The following MMACHC variants were observed in gnomAD, a reference collection of about 807,000 sequenced individuals.
MMACHC encodes metabolism of cobalamin associated C.
In MMACHC, 14 loss-of-function variants were observed where a neutral mutation model predicts 17.6. The observed-to-expected ratio is 0.80, with a 90% CI of 0.53 to 1.25. The LOEUF (loss-of-function observed/expected upper bound fraction) is 1.25. Ranked by LOEUF, MMACHC falls within the 50% of genes most tolerant of loss-of-function variation. MMACHC has a pLI of 0.00. For missense variants in MMACHC, 392 were observed against 364.5 expected (o/e 1.08, Z -0.62); for synonymous variants, 151 against 142.1 (o/e 1.06, Z -0.45).
rs750572915 is a variant in MMACHC at position 45,508,939 on chromosome 1, C to T, written c.573C>T (p.Ala191=). The T allele has an allele frequency of 1.9e-6, 3 of 1,614,194 alleles. No individual in the cohort carries two copies. Among genetic ancestry groups the T allele is most frequent in the Admixed American group, 1.7e-5 (1 of 60,022 alleles). Residue 191 remains alanine, a synonymous_variant, in exon 4 of 4, where the codon GCC becomes GCT. Transcript: ENST00000401061. ...DCVPTRADRI[A]LLEGFNFHWR... ...TACCTACAAGAGCTGACCGTATCGC[C>T]CTACTCGAAGGCTTCAATTTCCACT...
At chr1:45,508,390 C>T in intron 3 of MMACHC, 26 bp downstream of exon 3, 6 of 1,613,346 alleles carry the variant, frequency 3.7e-6, no homozygotes, top group Non-Finnish European at 5.1e-6. Flanking sequence ...TAAATAGAGG[C>T]TGAGATAGAC....
Position 45,507,545 on chromosome 1 carries a change from A to AC in MMACHC, c.271_272insC (p.Arg91ThrfsTer14), listed in dbSNP as rs1553162787. ...TGTGGCCTACCATCTGGGCCGTGTT[A>AC]GAGAGGTGAGGAAGGCTCAGTTTTC... On this transcript the variant is annotated frameshift_variant, in exon 2 of 4. Transcript: ENST00000401061. LOFTEE classifies it high-confidence loss of function. The AC allele has an allele frequency of 1.2e-6, 2 of 1,613,894 alleles. No homozygotes were observed. The highest frequency in any genetic ancestry group is 3.3e-5 in the Admixed American group (2 of 59,954).
At position 45,508,285 on chromosome 1, in the gene MMACHC, C is replaced by G; in HGVS notation, c.350C>G (p.Ala117Gly). The change falls in exon 3 of 4, where the codon GCC becomes GGC. Residue 117 changes from alanine (A) to glycine (G), a missense_variant. Coordinates refer to ENST00000401061, the MANE Select transcript of MMACHC (RefSeq NM_015506.3). ...VHPNRRPKIL[A>G]QTAAHVAGAA... ...CCCAACCGACGCCCCAAGATCCTGGCCCAGACAGCAGCCCATGTAGCTGGG... is the reference window on the plus strand; with the variant it reads ...CCCAACCGACGCCCCAAGATCCTGGGCCAGACAGCAGCCCATGTAGCTGGG... 1 of 1,614,124 alleles carries G rather than the reference C, an allele frequency of 6.2e-7. No homozygotes were observed. Among genetic ancestry groups the G allele is most frequent in the South Asian group, 1.1e-5 (1 of 91,080 alleles).
At chr1:45,500,505 G>A (rs1339154088) in intron 1 of MMACHC, 92 bp downstream of exon 1, 2 of 1,218,094 alleles carry the variant, frequency 1.6e-6, no homozygotes, top group Non-Finnish European at 2.4e-6. Flanking sequence ...GATCCTCCTG[G>A]GTTCCTGCAG....
chr1:45,500,490 C>T, intron 1 of MMACHC, 77 bp downstream of exon 1: 1 of 1,378,202 alleles, frequency 7.3e-7, no homozygotes, highest in South Asian at 1.2e-5. Context: ...GCCTCGGGAG[C>T]CTCTGATCCT....
At chr1:45,502,171 T>TA (rs1031943519) in intron 1 of MMACHC, among the ~76,000 whole-genome samples, 2 of 152,176 alleles carry the variant, frequency 1.3e-5, no homozygotes, top group Admixed American at 1.3e-4. Flanking sequence ...TCCCTCTGAT[T>TA]CCCTCTACAG....
Position 45,500,320 on chromosome 1 carries a change from T to C in MMACHC, c.-13T>C. ...ACTTCATTCCCCAGCAAGCTCAGCGTGTAACGTGCGCTATGGAGCCGAAAG... is the reference window on the plus strand; with the variant it reads ...ACTTCATTCCCCAGCAAGCTCAGCGCGTAACGTGCGCTATGGAGCCGAAAG... On this transcript the variant is annotated 5_prime_UTR_variant, in exon 1 of 4. Transcript: ENST00000401061. 2 of 1,613,950 alleles carry C rather than the reference T, an allele frequency of 1.2e-6. No homozygotes were observed. The highest frequency in any genetic ancestry group is 1.7e-6 in the Non-Finnish European group (2 of 1,179,966).
At chr1:45,505,448 AAAAAT>A (rs1214797644) in intron 1 of MMACHC, among the ~76,000 whole-genome samples, 3 of 151,978 alleles carry the variant, frequency 2.0e-5, no homozygotes, top group Admixed American at 6.6e-5. Flanking sequence ...ATCCGTCTCA[AAAAAT>A]AAAATAAAAT....
At chr1:45,503,857 T>C (rs529355815) in intron 1 of MMACHC, among the ~76,000 whole-genome samples, 1 of 152,258 alleles carries the variant, frequency 6.6e-6, no homozygotes, top group Admixed American at 6.5e-5. Flanking sequence ...ACATAGCACT[T>C]TGTGTGAACA....
Position 45,511,465 on chromosome 1 carries a change from A to G in MMACHC, c.*2250A>G. 1 of 1,489,222 alleles carries G rather than the reference A, an allele frequency of 6.7e-7. No homozygotes were observed. Among genetic ancestry groups the G allele is most frequent in the Non-Finnish European group, 9.3e-7 (1 of 1,076,726 alleles). The allele number at this position is 1,489,222 out of a possible 1,614,324, so 92.3% of individuals were successfully genotyped here. A position where few individuals can be genotyped will look rare whatever the true frequency, so the allele number is the denominator to read the frequency against. On this transcript the variant is annotated 3_prime_UTR_variant, in exon 4 of 4. Coordinates refer to ENST00000401061, the MANE Select transcript of MMACHC (RefSeq NM_015506.3). ...AATAACCTTCTCAATGGTATGCACC[A>G]CCATTCTCCTATGGACAAAACCAGT...
At chr1:45,502,932 C>T (rs558455752) in intron 1 of MMACHC, among the ~76,000 whole-genome samples, 1 of 151,930 alleles carries the variant, frequency 6.6e-6, no homozygotes, top group African/African-American at 2.4e-5. Context: ...CTTGAACTCC[C>T]GACCTCAGGT....
chr1:45,507,660 A>G, intron 2 of MMACHC, 110 bp downstream of exon 2: 2 of 1,229,542 alleles, frequency 1.6e-6, no homozygotes, highest in Non-Finnish European at 2.3e-6. Flanking sequence ...CAAAGGTGAA[A>G]TGATACCCTA....
chr1:45,500,563 G>T (rs931277960), intron 1 of MMACHC, 150 bp downstream of exon 1: 20 of 808,214 alleles, frequency 2.5e-5, no homozygotes, highest in Non-Finnish European at 4.0e-5. Flanking sequence ...GGGGGCTTGG[G>T]TTAAAAAGGT....
rs1553163069 is a variant in MMACHC, at chr1:45,509,432, T to TTTTTTTTTTTTTA, written c.*217_*218insTTTTTTTTTTTTA. ...TTCAAATGAGTTTTTTTTTTTTTTTTAGACAGAGTCTTACTCTGTCACCTA... is the reference window on the plus strand; with the variant it reads ...TTCAAATGAGTTTTTTTTTTTTTTTTTTTTTTTTTTTTAAGACAGAGTCTTACTCTGTCACCTA... On this transcript the variant is annotated 3_prime_UTR_variant, in exon 4 of 4. Coordinates refer to ENST00000401061, the MANE Select transcript of MMACHC (RefSeq NM_015506.3). The TTTTTTTTTTTTTA allele has an allele frequency of 3.7e-6, 2 of 539,854 alleles. No individual in the cohort carries two copies. The highest frequency in any genetic ancestry group is 2.0e-5 in the African/African-American group (1 of 50,012). 33.4% of individuals were successfully genotyped at this position (539,854 alleles called of 1,614,324 possible).
intron 2 of MMACHC, 95 bp from the exon 3 acceptor site, chr1:45,508,117 C>G (rs1413186060): frequency 1.0e-5 from 15 of 1,456,624 alleles, no homozygotes; most frequent in Non-Finnish European, 1.4e-5. Context: ...AGGACAGGAC[C>G]ATGTTCACAC....
At chr1:45,502,791 G>T (rs1298715489) in intron 1 of MMACHC, among the ~76,000 whole-genome samples, 1 of 150,170 alleles carries the variant, frequency 6.7e-6, no homozygotes, top group Admixed American at 6.7e-5. Flanking sequence ...CACAACCTCT[G>T]CCTCCCGGGT....
In MMACHC at chr1:45,511,351, T is replaced by C; in HGVS notation, c.*2136T>C. 1 of 1,613,042 alleles carries C rather than the reference T, an allele frequency of 6.2e-7. No homozygotes were observed. Among genetic ancestry groups the C allele is most frequent in the Non-Finnish European group, 8.5e-7 (1 of 1,179,596 alleles). On this transcript the variant is annotated 3_prime_UTR_variant, in exon 4 of 4. Transcript: ENST00000401061. ...CGCTCACTTCTGCTTGGAGAAATAT[T>C]CTTTGCTCTTTTGGACATCAGGCTT...
intron 2 of MMACHC, 96 bp from the exon 3 acceptor site, chr1:45,508,116 C>A (rs1032726991): frequency 1.4e-6 from 2 of 1,451,394 alleles, no homozygotes; most frequent in South Asian, 1.1e-5. Flanking sequence ...GAGGACAGGA[C>A]CATGTTCACA....
chr1:45,505,137 A>G (rs994594386), intron 1 of MMACHC, among the ~76,000 whole-genome samples: 1 of 147,116 alleles, frequency 6.8e-6, no homozygotes, highest in Non-Finnish European at 1.5e-5. Context: ...AAAAAAAAAA[A>G]GGGCCGTTTT....
Sources: allele counts gnomAD v4.1 joint callset (sites outside exome capture counted in the v4.1 genomes callset), GRCh38; gene constraint gnomAD v4.1.1; transcripts MANE v1.5; gene names NCBI Gene and HGNC (gene_info 2026-07-23, HGNC 2026-07-21).